SLIT3: variants seen among roughly 807,000 people sequenced by gnomAD.
The protein encoded by SLIT3 is slit homolog 3 protein.
SLIT3 carries 68 observed loss-of-function variants against 184.0 expected under a neutral mutation model. The observed-to-expected ratio is 0.37, with a 90% CI of 0.30 to 0.45. SLIT3 has a LOEUF of 0.45. Ranked by LOEUF, SLIT3 falls within the 20% of genes least tolerant of loss-of-function variation. The probability of loss-of-function intolerance (pLI) is 1.00; values close to 1 mark genes in which losing one functional copy is unlikely to be tolerated. For synonymous variants in SLIT3, 831 were observed against 828.6 expected (o/e 1.00, Z -0.05); for missense variants, 1,707 against 2,026.0 (o/e 0.84, Z 3.02).
chr5:169,030,420 C>G (rs1025421428), intron 4 of SLIT3: 1 of 152,202 alleles, frequency 6.6e-6, no homozygotes, highest in Non-Finnish European at 1.5e-5. Context: ...GATTTTGTGA[C>G]CTACCAAACT....
intron 4 of SLIT3, among the ~76,000 whole-genome samples, chr5:168,937,256 G>A (rs765394322): frequency 3.3e-5 from 5 of 152,164 alleles, no homozygotes; most frequent in Non-Finnish European, 7.3e-5. Context: ...ATAAGGCCAT[G>A]TGGGAGGATT....
At chr5:168,759,304 C>T (rs145497961) in intron 16 of SLIT3, among the ~76,000 whole-genome samples, 6 of 152,302 alleles carry the variant, frequency 3.9e-5, no homozygotes, top group African/African-American at 1.4e-4. Flanking sequence ...AACCTATCGA[C>T]GTATAACCTT....
chr5:168,753,305 G>A (rs1235952745), intron 17 of SLIT3, among the ~76,000 whole-genome samples: 2 of 152,224 alleles, frequency 1.3e-5, no homozygotes, highest in African/African-American at 4.8e-5. Flanking sequence ...ATTATTGTTT[G>A]TGCATGCTTT....
chr5:168,746,350 T>TGTGTGGTGTGTGA (rs1763808784), intron 20 of SLIT3, among the ~76,000 whole-genome samples: 2 of 85,026 alleles, frequency 2.4e-5, no homozygotes, highest in Non-Finnish European at 4.6e-5. Context: ...GTGGTGTGGG[T>TGTGTGGTGTGTGA]GTGTGGTGGT....
rs10654069 is a variant in SLIT3 at position 168,761,921 on chromosome 5, A to ATTT, written c.1610+615_1610+617dup. On this transcript the variant is annotated intron_variant, in intron 15 of 35. Transcript: ENST00000519560. ...CATGCCCAGCTAATAAAAAAAAAAAATTTTTTTTTTTTTTTTGTAGAGACT... is the reference window on the plus strand; with the variant it reads ...CATGCCCAGCTAATAAAAAAAAAAAATTTTTTTTTTTTTTTTTTTGTAGAGACT... 4.0e-4 allele frequency among the ~76,000 whole-genome samples: 44 copies of ATTT among 110,496 alleles called. 1 individual carries two copies. Among genetic ancestry groups the ATTT allele is most frequent in the Non-Finnish European group, 5.8e-4 (33 of 57,390 alleles). The allele number at this position is 110,496 out of a possible 152,430, so 72.5% of individuals were successfully genotyped here.
At chr5:169,084,453 GAT>G (rs1561653238) in intron 4 of SLIT3, among the ~76,000 whole-genome samples, 5 of 121,544 alleles carry the variant, frequency 4.1e-5, no homozygotes, top group Non-Finnish European at 3.3e-5. Flanking sequence ...ACCATGCCCA[GAT>G]TTTTTTTTTT....
chr5:168,962,154 T>C (rs893445695), intron 4 of SLIT3, among the ~76,000 whole-genome samples: 1 of 151,498 alleles, frequency 6.6e-6, no homozygotes, highest in Non-Finnish European at 1.5e-5. Flanking sequence ...GGGGTGGGAG[T>C]GGGCTTCAAT....
chr5:169,256,869 T>C (rs572227393), intron 1 of SLIT3, among the ~76,000 whole-genome samples: 2 of 152,054 alleles, frequency 1.3e-5, no homozygotes, highest in South Asian at 4.2e-4. Context: ...ACTGCATAAT[T>C]AGAGATGCCC....
At chr5:169,253,664 C>T (rs1581105207) in intron 1 of SLIT3, among the ~76,000 whole-genome samples, 1 of 152,182 alleles carries the variant, frequency 6.6e-6, no homozygotes, top group Non-Finnish European at 1.5e-5. Context: ...ATCATGGCAG[C>T]TATTACTGTA....
At chr5:169,052,487 G>A (rs1378750466) in intron 4 of SLIT3, among the ~76,000 whole-genome samples, 2 of 152,176 alleles carry the variant, frequency 1.3e-5, no homozygotes, top group Admixed American at 6.5e-5. Flanking sequence ...GTCAGGTTAA[G>A]AGCAGAGGTG....
In SLIT3 at chr5:169,013,235, A is replaced by G. The variant is rs528544187; in HGVS notation, c.414-129899T>C. On this transcript the variant is annotated intron_variant, in intron 4 of 35. Coordinates refer to ENST00000519560, the MANE Select transcript of SLIT3 (RefSeq NM_003062.4). ...ATAGCCCACAAATGTGAACTCCAAC[A>G]ACCCCCAAACCCAGTCCTCACCTCC... 2.0e-5 allele frequency: 3 copies of G among 152,334 alleles called. No homozygotes were observed. The East Asian group carries it at 5.8e-4, about 29-fold the overall frequency. The allele number at this position is 152,334 out of a possible 1,614,324, so 9.4% of individuals were successfully genotyped here.
chr5:169,040,428 G>A (rs112685776), intron 4 of SLIT3, among the ~76,000 whole-genome samples: 1 of 152,200 alleles, frequency 6.6e-6, no homozygotes, highest in Non-Finnish European at 1.5e-5. Flanking sequence ...CTGGAAAGAA[G>A]AGCCCTTGCT....
chr5:168,675,682 CAT>C (rs1161557374), intron 32 of SLIT3, among the ~76,000 whole-genome samples: 5 of 152,120 alleles, frequency 3.3e-5, no homozygotes, highest in African/African-American at 4.8e-5. Flanking sequence ...GCCTGGGAAA[CAT>C]AGCACGACCC....
intron 32 of SLIT3, among the ~76,000 whole-genome samples, chr5:168,680,106 C>T (rs1005326604): frequency 6.6e-6 from 1 of 152,238 alleles, no homozygotes; most frequent in South Asian, 2.1e-4. Flanking sequence ...GAGCTGAGGT[C>T]AGCCACTCCT....
chr5:168,911,466 A>G (rs1361671747), intron 4 of SLIT3, among the ~76,000 whole-genome samples: 1 of 152,232 alleles, frequency 6.6e-6, no homozygotes, highest in Non-Finnish European at 1.5e-5. Context: ...CTGATTAAAA[A>G]CAGGGTTTCA....
At chr5:169,137,335 CAGAGAGAG>C (rs1554101372) in intron 4 of SLIT3, among the ~76,000 whole-genome samples, 4 of 138,554 alleles carry the variant, frequency 2.9e-5, no homozygotes, top group Non-Finnish European at 6.1e-5. Context: ...CACACACACA[CAGAGAGAG>C]AGAGAGAGAG....
At chr5:169,094,147 G>A (rs1759689881) in intron 4 of SLIT3, among the ~76,000 whole-genome samples, 1 of 152,166 alleles carries the variant, frequency 6.6e-6, no homozygotes, top group South Asian at 2.1e-4. Context: ...CAGGATTTGA[G>A]TCCAGTAAAT....
intron 26 of SLIT3, among the ~76,000 whole-genome samples, chr5:168,702,608 T>C (rs2113289012): frequency 6.6e-6 from 1 of 152,230 alleles, no homozygotes; most frequent in South Asian, 2.1e-4. Context: ...AACTACCCTA[T>C]GGGGAATTAG....
chr5:168,905,970 C>T (rs764314756), intron 4 of SLIT3, among the ~76,000 whole-genome samples: 13 of 152,122 alleles, frequency 8.5e-5, no homozygotes, highest in African/African-American at 2.2e-4. Context: ...GAAAGAGATA[C>T]GAAGATCTAT....
Sources: allele counts gnomAD v4.1 joint callset (sites outside exome capture counted in the v4.1 genomes callset), GRCh38; gene constraint gnomAD v4.1.1; transcripts MANE v1.5; gene names NCBI Gene and HGNC (gene_info 2026-07-23, HGNC 2026-07-21).